Variants in SLK observed in about 807,000 individuals in gnomAD.
SLK encodes STE20-like serine/threonine-protein kinase.
A neutral mutation model predicts 147.7 loss-of-function variants in SLK; 67 were observed. The observed-to-expected ratio is 0.45, with a 90% CI of 0.37 to 0.56. SLK has a LOEUF of 0.56. Among genes scored for constraint, SLK ranks in the 20% least tolerant of loss-of-function variants. The probability of loss-of-function intolerance (pLI) is 0.00; values close to 1 mark genes in which losing one functional copy is unlikely to be tolerated. For synonymous variants in SLK, 441 were observed against 475.0 expected, an observed-to-expected ratio of 0.93 and a Z score of 0.93; for missense variants, 1,136 against 1,438.8, an observed-to-expected ratio of 0.79 and a Z score of 3.41.
At chr10:104,007,550 G>A (rs1305274724) in intron 11 of SLK, among the ~76,000 whole-genome samples, 1 of 152,018 alleles carries the variant, frequency 6.6e-6, no homozygotes, top group African/African-American at 2.4e-5. Flanking sequence ...GGAGGTTGTA[G>A]TGAGCAGAGA....
intron 1 of SLK, among the ~76,000 whole-genome samples, chr10:103,980,847 A>T (rs1279268056): frequency 6.6e-6 from 1 of 152,024 alleles, no homozygotes; most frequent in Non-Finnish European, 1.5e-5. Flanking sequence ...TATACCCAGG[A>T]GTGGGATTCC....
chr10:103,982,948 T>C (rs1014964207), intron 1 of SLK, among the ~76,000 whole-genome samples: 1 of 152,224 alleles, frequency 6.6e-6, no homozygotes, highest in African/African-American at 2.4e-5. Context: ...CGCAAGTCAC[T>C]TAACACTTAT....
intron 1 of SLK, among the ~76,000 whole-genome samples, chr10:103,971,715 A>G (rs557762248): frequency 9.1e-4 from 138 of 152,394 alleles, no homozygotes; most frequent in African/African-American, 3.3e-3. Context: ...AGTAGTTTTT[A>G]TATGACAACT....
In SLK at chr10:104,003,036, G is replaced by T. The variant is rs1844273896; in HGVS notation, c.1858G>T (p.Ala620Ser). Residue 620 changes from alanine to serine, a missense_variant, in exon 9 of 19, where the codon GCA becomes TCA. Transcript: ENST00000369755. ...EIEEGKNKEQ[A>S]INSSENIMDI... ...AGAAGAAGGTAAAAATAAGGAACAAGCAATAAACAGTTCAGAGAACATAAT... is the reference window on the plus strand; with the variant it reads ...AGAAGAAGGTAAAAATAAGGAACAATCAATAAACAGTTCAGAGAACATAAT... 2 of 1,613,736 alleles carry T rather than the reference G, an allele frequency of 1.2e-6. No individual in the cohort carries two copies. Among genetic ancestry groups the T allele is most frequent in the African/African-American group, 2.7e-5 (2 of 74,902 alleles).
chr10:103,967,781 G>A lies in SLK; in HGVS notation c.36G>A (p.Leu12=), dbSNP rs1189346542. The A allele has an allele frequency of 6.2e-7, 1 of 1,614,088 alleles. No individual in the cohort carries two copies. The highest frequency in any genetic ancestry group is 8.5e-7 in the Non-Finnish European group (1 of 1,179,932). Reference sequence around the variant, plus strand: ...TCAATTTCCGTAAGATCTTCAAGTTGGGGAGCGAGAAGAAGAAGAAGCAGT... The same window carrying A: ...TCAATTTCCGTAAGATCTTCAAGTTAGGGAGCGAGAAGAAGAAGAAGCAGT... ...SFFNFRKIFK[L]GSEKKKKQYE... is the part of the protein sequence containing the mutation. The change falls in exon 1 of 19, where the codon TTG becomes TTA. Residue 12 remains leucine, a synonymous_variant. Transcript: ENST00000369755.
chr10:103,981,083 G>A (rs1471650899), intron 1 of SLK, among the ~76,000 whole-genome samples: 2 of 152,036 alleles, frequency 1.3e-5, no homozygotes, highest in African/African-American at 4.8e-5. Context: ...TATTAGTGAC[G>A]TTGAGCATCT....
At chr10:103,978,623 A>G (rs576080939) in intron 1 of SLK, among the ~76,000 whole-genome samples, 1 of 152,312 alleles carries the variant, frequency 6.6e-6, no homozygotes, top group South Asian at 2.1e-4. Context: ...TCTCAAGATA[A>G]TGGGAAGAAA....
chr10:104,025,449 G>T (rs1844585329), intron 18 of SLK, 125 bp from the exon 19 acceptor site: 34 of 848,204 alleles, frequency 4.0e-5, no homozygotes, highest in Middle Eastern at 6.6e-4. Context: ...AATTGAGCAG[G>T]CGTGTCTTCT....
In SLK at chr10:104,026,732, A is replaced by G. The variant is rs1844604109; in HGVS notation, c.*1012A>G. 6.6e-6 allele frequency: 1 copy of G among 152,224 alleles called. No homozygotes were observed. Among genetic ancestry groups the G allele is most frequent in the African/African-American group, 2.4e-5 (1 of 41,458 alleles). The allele number at this position is 152,224 out of a possible 1,614,324, so 9.4% of individuals were successfully genotyped here. On this transcript the variant is annotated 3_prime_UTR_variant, in exon 19 of 19. Coordinates refer to ENST00000369755, the MANE Select transcript of SLK (RefSeq NM_014720.4). The stretch of plus-strand genomic sequence containing the variant: ...TTCAGAAATTAATCTTAAAAGAGGC[A>G]TTAGTTCAGAATACTTTTTTAAAAG...
At chr10:104,000,098 T>C in intron 7 of SLK, 150 bp downstream of exon 7, 1 of 462,532 alleles carries the variant, frequency 2.2e-6, no homozygotes, top group South Asian at 5.4e-5. Context: ...TAAATGCTGC[T>C]GTTACCATCA....
intron 1 of SLK, among the ~76,000 whole-genome samples, chr10:103,968,623 TGAA>T (rs1369452366): frequency 6.6e-6 from 1 of 152,236 alleles, no homozygotes. Flanking sequence ...AAGGAACATA[TGAA>T]TGATGTCATT....
Position 104,025,856 on chromosome 10 carries a change from TTTTG to T in SLK, c.*140_*143del. 3 of 699,884 alleles carry T rather than the reference TTTTG, an allele frequency of 4.3e-6. No individual in the cohort carries two copies. The highest frequency in any genetic ancestry group is 6.7e-6 in the Non-Finnish European group (3 of 450,500). 43.4% of individuals were successfully genotyped at this position (699,884 alleles called of 1,614,324 possible). ...TCTAGGTGTTTTCCTTTTTTGTTTTTTTTGTTTTGTTTTGTTTTTAAGCAAAGAT... is the reference window on the plus strand; with the variant it reads ...TCTAGGTGTTTTCCTTTTTTGTTTTTTTTTGTTTTGTTTTTAAGCAAAGAT... On this transcript the variant is annotated 3_prime_UTR_variant, in exon 19 of 19. Coordinates refer to ENST00000369755, the MANE Select transcript of SLK (RefSeq NM_014720.4).
At chr10:103,968,876 C>T (rs1024388593) in intron 1 of SLK, among the ~76,000 whole-genome samples, 1 of 152,178 alleles carries the variant, frequency 6.6e-6, no homozygotes, top group South Asian at 2.1e-4. Flanking sequence ...ACATGAGTCT[C>T]AGCCTAGACT....
Position 104,003,371 on chromosome 10 carries a change from A to T in SLK, c.2193A>T (p.Lys731Asn). 6.2e-7 allele frequency: 1 copy of T among 1,614,024 alleles called. No individual in the cohort carries two copies. Among genetic ancestry groups the T allele is most frequent in the Non-Finnish European group, 8.5e-7 (1 of 1,179,970 alleles). The change falls in exon 9 of 19, where the codon AAA becomes AAT. Residue 731 changes from lysine (K) to asparagine (N), a missense_variant. By Grantham distance (94) the Lys-to-Asn change is moderately conservative (BLOSUM62 0). Coordinates refer to ENST00000369755, the MANE Select transcript of SLK (RefSeq NM_014720.4). ...AAGAAGAAATAGGTTCTTTATCAAA[A>T]ACTGAAACTATTCTGCCACCAGAAT... ...ENKEEIGSLS[K>N]TETILPPESE...
At position 104,028,820 on chromosome 10, in the gene SLK, G is replaced by A. The variant is rs951772597; in HGVS notation, c.*3100G>A. The A allele has an allele frequency of 2.6e-5, 4 of 152,176 alleles. No homozygotes were observed. The highest frequency in any genetic ancestry group is 2.9e-5 in the Non-Finnish European group (2 of 68,036). 9.4% of individuals were successfully genotyped at this position (152,176 alleles called of 1,614,324 possible). A position where few individuals can be genotyped will look rare whatever the true frequency, so the allele number is the denominator to read the frequency against. The stretch of plus-strand genomic sequence containing the variant: ...CCAAGTATTAACTAGAGATATTGTT[G>A]ATTAAAGAAAATCTAGAACTGAAGT... On this transcript the variant is annotated 3_prime_UTR_variant, in exon 19 of 19. Transcript: ENST00000369755.
At chr10:104,023,449 A>G (rs1844560501) in intron 18 of SLK, among the ~76,000 whole-genome samples, 1 of 152,098 alleles carries the variant, frequency 6.6e-6, no homozygotes, top group Non-Finnish European at 1.5e-5. Flanking sequence ...TTCTAGGCCT[A>G]GTTTTCCTAA....
At chr10:103,987,394 T>C (rs892717674) in intron 1 of SLK, among the ~76,000 whole-genome samples, 2 of 152,222 alleles carry the variant, frequency 1.3e-5, no homozygotes, top group Admixed American at 6.5e-5. Context: ...TCATTTTTCA[T>C]TGTAGAACTG....
At chr10:104,015,061 G>A (rs767506472) in intron 13 of SLK, among the ~76,000 whole-genome samples, 4 of 152,006 alleles carry the variant, frequency 2.6e-5, no homozygotes, top group Admixed American at 1.3e-4. Context: ...TTAACATTTT[G>A]TTTGTTTTGA....
intron 4 of SLK, 138 bp downstream of exon 4, chr10:103,993,271 C>CACTTTTTTAGGTAAAT (rs1844124559): frequency 7.8e-6 from 4 of 509,802 alleles, no homozygotes; most frequent in Non-Finnish European, 1.3e-5. Context: ...TTTTAAAAAA[C>CACTTTTTTAGGTAAAT]ACTTTTTTAG....
Sources: gnomAD v4.1 joint callset for allele counts (sites outside exome capture counted in the v4.1 genomes callset) on GRCh38, gnomAD v4.1.1 for gene constraint, MANE v1.5 for transcripts, NCBI Gene and HGNC (gene_info 2026-07-23, HGNC 2026-07-21) for gene names.